Variants in GPC6 observed in about 807,000 individuals in gnomAD.
GPC6 encodes glypican 6.
GPC6 carries 14 observed loss-of-function variants against 55.2 expected under a neutral mutation model. That is an observed-to-expected ratio of 0.25 (90% CI 0.17 to 0.40). The LOEUF is 0.40. GPC6 is among the 10% of genes least tolerant of loss of function. GPC6 has a pLI of 1.00. For missense variants in GPC6, 641 were observed against 708.5 expected, an observed-to-expected ratio of 0.90 and a Z score of 1.08; for synonymous variants, 278 against 259.6, an observed-to-expected ratio of 1.07 and a Z score of -0.68.
chr13:93,497,785 G>T (rs897548725), intron 1 of GPC6, among the ~76,000 whole-genome samples: 1 of 152,242 alleles, frequency 6.6e-6, no homozygotes. Flanking sequence ...CATAGAACCA[G>T]TAATGGTGAT....
chr13:94,196,103 G>T (rs1889564539), intron 4 of GPC6, among the ~76,000 whole-genome samples: 1 of 151,666 alleles, frequency 6.6e-6, no homozygotes, highest in South Asian at 2.1e-4. Flanking sequence ...TGAGACACTT[G>T]TCACTAGTGA....
intron 1 of GPC6, among the ~76,000 whole-genome samples, chr13:93,338,718 A>G (rs2139146752): frequency 6.6e-6 from 1 of 152,328 alleles, no homozygotes; most frequent in African/African-American, 2.4e-5. Context: ...CTGTCCATGA[A>G]TGATTACCTC....
intron 2 of GPC6, among the ~76,000 whole-genome samples, chr13:93,800,482 C>T (rs1179293884): frequency 1.3e-5 from 2 of 152,074 alleles, no homozygotes; most frequent in Non-Finnish European, 2.9e-5. Context: ...ATCTCTATGT[C>T]GTCTCAAACA....
In GPC6 at chr13:93,271,791, T is replaced by A. The variant is rs376760387; in HGVS notation, c.160+44175T>A. 7.2e-5 allele frequency among the ~76,000 whole-genome samples: 11 copies of A among 152,304 alleles called. No homozygotes were observed. The East Asian group carries it at 2.1e-3, about 29-fold the overall frequency. On this transcript the variant is annotated intron_variant, in intron 1 of 8. Transcript: ENST00000377047. ...CCAACCTTTTGAGTATTCCAAGTGA[T>A]GTTTTATAATGAGAAATAGTAATAC...
Position 93,460,544 on chromosome 13 carries a change from TATC to T in GPC6, c.161-84716_161-84714del, listed in dbSNP as rs749843845. ...AAAAATCATTTTCTACTTGATGAAA[TATC>T]ATAACATAGCACTAATATAAATTAA... On this transcript the variant is annotated intron_variant, in intron 1 of 8. Transcript: ENST00000377047. Among the ~76,000 whole-genome samples the T allele has an allele frequency of 9.5e-4, 145 of 152,292 alleles. No homozygotes were observed. The Middle Eastern group carries it at 0.017, about 18-fold the overall frequency.
At chr13:93,915,937 C>T (rs1257948786) in intron 3 of GPC6, among the ~76,000 whole-genome samples, 2 of 152,140 alleles carry the variant, frequency 1.3e-5, no homozygotes, top group South Asian at 2.1e-4. Flanking sequence ...GGGAAAAGAG[C>T]GCCCCTTAGG....
At chr13:93,536,898 G>A (rs781775688) in intron 1 of GPC6, among the ~76,000 whole-genome samples, 2 of 152,098 alleles carry the variant, frequency 1.3e-5, no homozygotes, top group African/African-American at 2.4e-5. Context: ...GTGTTTATAC[G>A]GAAGCCTTTT....
At chr13:93,624,150 A>G (rs1879092044) in intron 2 of GPC6, among the ~76,000 whole-genome samples, 1 of 149,506 alleles carries the variant, frequency 6.7e-6, no homozygotes, top group Admixed American at 6.7e-5. Context: ...TGTCTTCCAG[A>G]CACAGGCATA....
intron 2 of GPC6, among the ~76,000 whole-genome samples, chr13:93,583,696 G>A (rs975013191): frequency 2.6e-5 from 4 of 152,194 alleles, no homozygotes; most frequent in African/African-American, 4.8e-5. Context: ...GATTACATGC[G>A]TGAACCACCA....
intron 6 of GPC6, among the ~76,000 whole-genome samples, chr13:94,328,629 C>G (rs1412202798): frequency 6.6e-6 from 1 of 152,186 alleles, no homozygotes; most frequent in Non-Finnish European, 1.5e-5. Flanking sequence ...GCCCTGCCTC[C>G]TGCAAGTCTT....
intron 1 of GPC6, among the ~76,000 whole-genome samples, chr13:93,348,634 AC>A (rs1199349839): frequency 5.9e-5 from 9 of 152,148 alleles, no homozygotes; most frequent in African/African-American, 2.2e-4. Context: ...CAAAAAGCAA[AC>A]CTGCTCTTTC....
At chr13:93,521,485 T>C (rs530047571) in intron 1 of GPC6, among the ~76,000 whole-genome samples, 1 of 152,108 alleles carries the variant, frequency 6.6e-6, no homozygotes, top group South Asian at 2.1e-4. Flanking sequence ...ACTTGTCTTA[T>C]GTTGGCAGGT....
chr13:93,929,842 CAGAG>C (rs560051324), intron 3 of GPC6, among the ~76,000 whole-genome samples: 5 of 147,888 alleles, frequency 3.4e-5, no homozygotes, highest in Admixed American at 6.7e-5. Context: ...GGAAGAAAGA[CAGAG>C]AGAAAAAGGA....
chr13:94,005,809 T>C (rs1034815210), intron 3 of GPC6, among the ~76,000 whole-genome samples: 1 of 152,218 alleles, frequency 6.6e-6, no homozygotes, highest in African/African-American at 2.4e-5. Flanking sequence ...GATGCCATTT[T>C]CTCAAGGAAA....
intron 1 of GPC6, among the ~76,000 whole-genome samples, chr13:93,526,741 C>G (rs1881660234): frequency 6.6e-6 from 1 of 152,022 alleles, no homozygotes; most frequent in African/African-American, 2.4e-5. Context: ...GTTCAAGACC[C>G]TTTTCCATTA....
intron 1 of GPC6, among the ~76,000 whole-genome samples, chr13:93,324,685 A>T (rs1879589238): frequency 1.3e-5 from 2 of 151,478 alleles, no homozygotes; most frequent in Admixed American, 6.6e-5. Flanking sequence ...AAAAATTTTT[A>T]AAAAGTGTGA....
At chr13:93,579,124 G>A (rs75003475) in intron 2 of GPC6, among the ~76,000 whole-genome samples, 1,621 of 152,166 alleles carry the variant, frequency 0.011, 35 homozygotes, top group African/African-American at 0.037. Flanking sequence ...TTGAAAAGAG[G>A]TTAATGGGTA....
intron 2 of GPC6, among the ~76,000 whole-genome samples, chr13:93,614,365 G>A (rs190815881): frequency 8.0e-4 from 122 of 152,252 alleles, no homozygotes; most frequent in African/African-American, 2.7e-3. Context: ...GGTCAATGTC[G>A]TTGAATGGTT....
At chr13:93,996,318 C>T (rs978918294) in intron 3 of GPC6, among the ~76,000 whole-genome samples, 8 of 152,190 alleles carry the variant, frequency 5.3e-5, no homozygotes, top group Admixed American at 3.9e-4. Flanking sequence ...AGCTTCTGAT[C>T]GTTTCAGCTA....
Sources: gnomAD v4.1 joint callset for allele counts (sites outside exome capture counted in the v4.1 genomes callset) on GRCh38, gnomAD v4.1.1 for gene constraint, MANE v1.5 for transcripts, NCBI Gene and HGNC (gene_info 2026-07-23, HGNC 2026-07-21) for gene names.